The following DIMT1 variants were observed in gnomAD, a reference collection of about 807,000 sequenced individuals.
DIMT1 encodes DIM1 rRNA methyltransferase and ribosome maturation factor.
A neutral mutation model predicts 43.2 loss-of-function variants in DIMT1; 36 were observed. That is an observed-to-expected ratio of 0.83 (90% CI 0.64 to 1.10). The LOEUF (loss-of-function observed/expected upper bound fraction) is 1.10, where lower values mean the gene tolerates loss of function less well. Among genes scored for constraint, DIMT1 ranks in the 50% least tolerant of loss-of-function variants. The pLI is 0.00. For synonymous variants in DIMT1, 126 were observed against 130.3 expected (o/e 0.97, Z 0.22); for missense variants, 341 against 385.3 (o/e 0.88, Z 0.96).
chr5:62,392,114 A>G (rs1178524868), intron 10 of DIMT1, 57 bp downstream of exon 10: 15 of 1,605,898 alleles, frequency 9.3e-6, no homozygotes, highest in Non-Finnish European at 1.3e-5. Context: ...AAGAATAAAA[A>G]TGGACATTTT....
chr5:62,389,197 C>T (rs926004523), intron 11 of DIMT1, 145 bp from the exon 12 acceptor site: 4 of 693,730 alleles, frequency 5.8e-6, no homozygotes, highest in Non-Finnish European at 9.3e-6. Flanking sequence ...ATTAAAGAAA[C>T]GTTACTGGCT....
At chr5:62,397,454 TCTATGGTGTTGG>T (rs1742537264) in intron 6 of DIMT1, among the ~76,000 whole-genome samples, 1 of 152,248 alleles carries the variant, frequency 6.6e-6, no homozygotes, top group African/African-American at 2.4e-5. Context: ...AACTGTGATG[TCTATGGTGTTGG>T]CTATTGTTTG....
At chr5:62,397,384 C>A (rs1261460900) in intron 6 of DIMT1, among the ~76,000 whole-genome samples, 1 of 152,190 alleles carries the variant, frequency 6.6e-6, no homozygotes, top group Non-Finnish European at 1.5e-5. Context: ...GTTTTGGCAT[C>A]TATCAAGTAC....
chr5:62,395,058 CTT>C (rs1227832415), intron 6 of DIMT1, among the ~76,000 whole-genome samples: 1 of 147,962 alleles, frequency 6.8e-6, no homozygotes, highest in Non-Finnish European at 1.5e-5. Context: ...GAGTTTCGCT[CTT>C]GTCGCCCAGG....
In DIMT1 at chr5:62,402,136, C is replaced by G. The variant is rs982017716; in HGVS notation, c.154-14G>C. ...TCTTAAGGCAGCCTAAAAGCAAGCA[C>G]AAACACTTTAGCTCTTCTGGCAACA... On this transcript the variant is annotated splice_polypyrimidine_tract_variant and intron_variant, in intron 2 of 11. Coordinates refer to ENST00000199320, the MANE Select transcript of DIMT1 (RefSeq NM_014473.4). 1.9e-6 allele frequency: 3 copies of G among 1,613,370 alleles called. No individual in the cohort carries two copies. In the African/African-American group the frequency reaches 4.0e-5, roughly 22 times the overall value.
At chr5:62,391,696 C>T in intron 10 of DIMT1, 1 of 1,282,216 alleles carries the variant, frequency 7.8e-7, no homozygotes, top group Non-Finnish European at 9.9e-7. Flanking sequence ...AAATGATACG[C>T]ATGAGGCTCA....
At position 62,390,991 on chromosome 5, in the gene DIMT1, A is replaced by G; in HGVS notation, c.793-9T>C. On this transcript the variant is annotated splice_polypyrimidine_tract_variant and intron_variant, in intron 10 of 11. Transcript: ENST00000199320. ...AAATCTTCTGGTATTATCTATCAAT[A>G]TAAGATTCAGAATAAATGAACGACA... 3.1e-6 allele frequency: 5 copies of G among 1,608,072 alleles called. 1 individual carries two copies. The South Asian group carries it at 4.4e-5, about 14-fold the overall frequency.
chr5:62,394,105 A>G, intron 7 of DIMT1, 58 bp from the exon 8 acceptor site: 1 of 1,480,814 alleles, frequency 6.8e-7, no homozygotes, highest in Non-Finnish European at 9.4e-7. Context: ...TTTAGTAACC[A>G]GATATGCTAT....
intron 10 of DIMT1, 162 bp from the exon 11 acceptor site, chr5:62,391,144 A>C: frequency 1.8e-6 from 1 of 567,228 alleles, no homozygotes; most frequent in Admixed American, 3.2e-5. Context: ...ATCTCTAATT[A>C]AAAGTGGCTG....
chr5:62,398,932 T>C, intron 3 of DIMT1, 51 bp from the exon 4 acceptor site: 1 of 1,372,782 alleles, frequency 7.3e-7, no homozygotes, highest in Non-Finnish European at 1.0e-6. Flanking sequence ...AATATAAATC[T>C]TTTATTGTTA....
At chr5:62,396,383 C>T (rs911167621) in intron 6 of DIMT1, among the ~76,000 whole-genome samples, 1 of 151,790 alleles carries the variant, frequency 6.6e-6, no homozygotes, top group Non-Finnish European at 1.5e-5. Context: ...TGGCACATGC[C>T]CGTAATCGCA....
chr5:62,389,168 C>A, intron 11 of DIMT1, 116 bp from the exon 12 acceptor site: 1 of 862,224 alleles, frequency 1.2e-6, no homozygotes, highest in Admixed American at 2.8e-5. Flanking sequence ...ACAGAGCCCA[C>A]CCACTCCTAA....
At chr5:62,394,991 A>G (rs1484132041) in intron 6 of DIMT1, among the ~76,000 whole-genome samples, 1 of 152,010 alleles carries the variant, frequency 6.6e-6, no homozygotes, top group Non-Finnish European at 1.5e-5. Flanking sequence ...GTGACGTTCA[A>G]TGTTTCCTTG....
intron 5 of DIMT1, 33 bp downstream of exon 5, chr5:62,398,613 T>G (rs1742585498): frequency 6.2e-7 from 1 of 1,612,346 alleles, no homozygotes; most frequent in African/African-American, 1.3e-5. Context: ...GAGGAACAGT[T>G]AGTATGATGT....
At chr5:62,402,440 C>T (rs538548744) in intron 2 of DIMT1, among the ~76,000 whole-genome samples, 109 of 152,286 alleles carry the variant, frequency 7.2e-4, no homozygotes, top group Middle Eastern at 3.4e-3. Flanking sequence ...CTTCTCTGTT[C>T]GTATCAACAA....
chr5:62,402,552 T>C lies in DIMT1; in HGVS notation c.154-430A>G, dbSNP rs1039285518. Among the ~76,000 whole-genome samples the C allele has an allele frequency of 2.6e-5, 4 of 152,220 alleles. No homozygotes were observed. In the South Asian group the frequency reaches 6.2e-4, roughly 24 times the overall value. ...GAAGAGCAGAAACTGTACACAAAATTGAATGTCTGCACACAGCTCTAATAT... is the reference window on the plus strand; with the variant it reads ...GAAGAGCAGAAACTGTACACAAAATCGAATGTCTGCACACAGCTCTAATAT... On this transcript the variant is annotated intron_variant, in intron 2 of 11. Transcript: ENST00000199320.
rs1236709115 is a variant in DIMT1, at chr5:62,394,538, G to A, written c.516C>T (p.Tyr172=). The A allele has an allele frequency of 1.2e-6, 2 of 1,614,070 alleles. No homozygotes were observed. Among genetic ancestry groups the A allele is most frequent in the Non-Finnish European group, 8.5e-7 (1 of 1,180,034 alleles). The change falls in exon 7 of 12, where the codon TAC becomes TAT. Residue 172 remains tyrosine, a synonymous_variant. Coordinates refer to ENST00000199320, the MANE Select transcript of DIMT1 (RefSeq NM_014473.4). ...GCTGTGTATTAATTGAGAGTCTGCA[G>A]TATAACTTATCTCCAGGTTTTGCAA... ...RLVAKPGDKL[Y]CRLSINTQLL...
intron 8 of DIMT1, 67 bp from the exon 9 acceptor site, chr5:62,393,057 ATTATT>A: frequency 1.9e-6 from 2 of 1,061,836 alleles, no homozygotes; most frequent in African/African-American, 3.2e-5. Context: ...CCCACTAGGT[ATTATT>A]TTGTCTTTTA....
Position 62,388,046 on chromosome 5 carries a change from T to A in DIMT1, c.*964A>T, listed in dbSNP as rs191470412. 6.6e-6 allele frequency: 1 copy of A among 152,162 alleles called. No individual in the cohort carries two copies. Among genetic ancestry groups the A allele is most frequent in the Non-Finnish European group, 1.5e-5 (1 of 68,008 alleles). 9.4% of individuals were successfully genotyped at this position (152,162 alleles called of 1,614,324 possible). A position where few individuals can be genotyped will look rare whatever the true frequency, so the allele number is the denominator to read the frequency against. On this transcript the variant is annotated 3_prime_UTR_variant, in exon 12 of 12. Coordinates refer to ENST00000199320, the MANE Select transcript of DIMT1 (RefSeq NM_014473.4). ...TAACAGCACTTAGTATTATATTGAC[T>A]TAAACATAGTAGCTAATAAAACTAG...
Sources: allele counts gnomAD v4.1 joint callset (sites outside exome capture counted in the v4.1 genomes callset), GRCh38; gene constraint gnomAD v4.1.1; transcripts MANE v1.5; gene names NCBI Gene and HGNC (gene_info 2026-07-23, HGNC 2026-07-21).